Variants in LYN observed in about 807,000 individuals in gnomAD.
The protein encoded by LYN is tyrosine-protein kinase Lyn.
LYN carries 12 observed loss-of-function variants against 65.0 expected under a neutral mutation model. That is an observed-to-expected ratio of 0.18 (90% CI 0.12 to 0.30). The LOEUF (loss-of-function observed/expected upper bound fraction) is 0.30, where lower values mean the gene tolerates loss of function less well. LYN is among the 10% of genes least tolerant of loss of function. LYN has a pLI of 1.00. For missense variants in LYN, 380 were observed against 623.2 expected (o/e 0.61, Z 4.16); for synonymous variants, 222 against 221.2 (o/e 1.00, Z -0.03).
chr8:55,890,541 G>T (rs1352844321), intron 1 of LYN, among the ~76,000 whole-genome samples: 1 of 152,156 alleles, frequency 6.6e-6, no homozygotes, highest in Non-Finnish European at 1.5e-5. Context: ...CAAAAAATTA[G>T]ACATAGAATT....
chr8:55,932,085 T>A (rs932100595), intron 1 of LYN, among the ~76,000 whole-genome samples: 1 of 152,112 alleles, frequency 6.6e-6, no homozygotes, highest in Admixed American at 6.6e-5. Flanking sequence ...ACCATTTGAG[T>A]TGAAAGGATA....
chr8:55,983,441 C>T (rs1308001881), intron 10 of LYN, among the ~76,000 whole-genome samples: 2 of 152,212 alleles, frequency 1.3e-5, no homozygotes, highest in East Asian at 1.9e-4. Context: ...CTTTCCCCTA[C>T]ATCCCTCTCC....
chr8:55,955,901 G>GT (rs571978277), intron 8 of LYN, among the ~76,000 whole-genome samples: 3 of 152,152 alleles, frequency 2.0e-5, no homozygotes, highest in Non-Finnish European at 4.4e-5. Context: ...CTATAACAGA[G>GT]TTTGTTTATC....
intron 12 of LYN, among the ~76,000 whole-genome samples, chr8:56,002,736 C>T (rs907331241): frequency 3.9e-5 from 6 of 151,996 alleles, no homozygotes; most frequent in South Asian, 2.1e-4. Flanking sequence ...CAGAATCCAT[C>T]GACTAGTCTG....
intron 1 of LYN, among the ~76,000 whole-genome samples, chr8:55,912,561 A>G (rs1805667499): frequency 1.3e-5 from 2 of 152,158 alleles, no homozygotes. Flanking sequence ...CCCCGTAGCT[A>G]CTAAAAATAC....
intron 1 of LYN, among the ~76,000 whole-genome samples, chr8:55,910,957 T>C (rs181052678): frequency 0.026 from 3,715 of 144,152 alleles, 188 homozygotes; most frequent in African/African-American, 0.092. Context: ...AGTGCAGTGG[T>C]GCAGTCTTGG....
At position 55,911,076 on chromosome 8, in the gene LYN, T is replaced by C. The variant is rs1234916765; in HGVS notation, c.-5-30779T>C. On this transcript the variant is annotated intron_variant, in intron 1 of 12. Transcript: ENST00000519728. ...CATGTCCGGCTAATTTATATATATA[T>C]ACATACATATATATATATATATACA... 4.0e-4 allele frequency among the ~76,000 whole-genome samples: 4 copies of C among 10,020 alleles called. 1 individual carries two copies. Among genetic ancestry groups the C allele is most frequent in the Non-Finnish European group, 7.1e-4 (4 of 5,648 alleles). The allele number at this position is 10,020 out of a possible 152,430, so 6.6% of individuals were successfully genotyped here. A position where few individuals can be genotyped will look rare whatever the true frequency, so the allele number is the denominator to read the frequency against.
At chr8:55,977,164 A>G (rs924635771) in intron 10 of LYN, among the ~76,000 whole-genome samples, 1 of 152,190 alleles carries the variant, frequency 6.6e-6, no homozygotes, top group African/African-American at 2.4e-5. Flanking sequence ...CAGCCTGGGC[A>G]ACAAGAGCAA....
intron 12 of LYN, among the ~76,000 whole-genome samples, chr8:56,006,415 C>G (rs1346197859): frequency 6.6e-6 from 1 of 152,148 alleles, no homozygotes; most frequent in East Asian, 1.9e-4. Context: ...ACACAAAGGG[C>G]CCTGTGTGAC....
At chr8:55,973,071 A>G (rs1027733354) in intron 10 of LYN, among the ~76,000 whole-genome samples, 2 of 152,178 alleles carry the variant, frequency 1.3e-5, no homozygotes, top group African/African-American at 4.8e-5. Context: ...CTAGAAGAAT[A>G]AGGGAAACTG....
chr8:55,999,354 A>G, intron 11 of LYN, 64 bp from the exon 12 acceptor site: 1 of 1,425,208 alleles, frequency 7.0e-7, no homozygotes. Context: ...ATGGGGTCAC[A>G]TGTTCATGAC....
At position 56,013,270 on chromosome 8, in the gene LYN, C is replaced by CTTTT. The variant is rs546599670; in HGVS notation, c.*3173_*3176dup. The CTTTT allele has an allele frequency of 0.043, 4,496 of 104,738 alleles. 257 individuals are homozygous for CTTTT. Among genetic ancestry groups the CTTTT allele is most frequent in the African/African-American group, 0.11 (4,020 of 35,186 alleles). 6.5% of individuals were successfully genotyped at this position (104,738 alleles called of 1,614,324 possible). On this transcript the variant is annotated 3_prime_UTR_variant, in exon 13 of 13. Coordinates refer to ENST00000519728, the MANE Select transcript of LYN (RefSeq NM_002350.4). ...TGTGGAGTCTGCTTTCTCGCTCTCT[C>CTTTT]TTTTTTTTTTTTTTTTGACAGAGTC...
chr8:55,964,812 C>A (rs557464614), intron 8 of LYN, among the ~76,000 whole-genome samples: 1 of 152,338 alleles, frequency 6.6e-6, no homozygotes, highest in Admixed American at 6.5e-5. Flanking sequence ...CCAAATTCTA[C>A]CAGCCAGGGA....
In LYN at chr8:55,977,389, A is replaced by G. The variant is rs116720656; in HGVS notation, c.1050+7596A>G. ...TAAATCATTAGTGGATGCTTTTTGT[A>G]TTTACTGTAATATGTATTCATGTTA... On this transcript the variant is annotated intron_variant, in intron 10 of 12. Coordinates refer to ENST00000519728, the MANE Select transcript of LYN (RefSeq NM_002350.4). 9.4e-3 allele frequency among the ~76,000 whole-genome samples: 1,427 copies of G among 152,250 alleles called. 23 individuals carry two copies. Among genetic ancestry groups the G allele is most frequent in the African/African-American group, 0.033 (1,358 of 41,538 alleles).
At chr8:55,973,509 T>C (rs932078328) in intron 10 of LYN, among the ~76,000 whole-genome samples, 1 of 152,228 alleles carries the variant, frequency 6.6e-6, no homozygotes, top group Non-Finnish European at 1.5e-5. Context: ...CCTTGGCTTT[T>C]AGGCCCTATG....
Position 56,013,920 on chromosome 8 carries a change from G to T in LYN, c.*3810G>T, listed in dbSNP as rs540478883. 1 of 152,312 alleles carries T rather than the reference G, an allele frequency of 6.6e-6. No individual in the cohort carries two copies. The highest frequency in any genetic ancestry group is 6.5e-5 in the Admixed American group (1 of 15,300). 9.4% of individuals were successfully genotyped at this position (152,312 alleles called of 1,614,324 possible). ...AATATTTTAGATTAAGTGAAGTCTT[G>T]CTGTTCTTCCTGATGGAAATGGTAA... On this transcript the variant is annotated 3_prime_UTR_variant, in exon 13 of 13. Coordinates refer to ENST00000519728, the MANE Select transcript of LYN (RefSeq NM_002350.4).
At chr8:55,904,436 CT>C (rs1805363695) in intron 1 of LYN, among the ~76,000 whole-genome samples, 1 of 152,092 alleles carries the variant, frequency 6.6e-6, no homozygotes, top group Non-Finnish European at 1.5e-5. Flanking sequence ...ACAGACCACC[CT>C]TTTTTCTGAG....
At chr8:55,908,723 T>C (rs2130398526) in intron 1 of LYN, among the ~76,000 whole-genome samples, 1 of 151,864 alleles carries the variant, frequency 6.6e-6, no homozygotes, top group Non-Finnish European at 1.5e-5. Flanking sequence ...CACTAAGTAA[T>C]TTCTCTCTCA....
chr8:55,895,917 G>A (rs574721067), intron 1 of LYN, among the ~76,000 whole-genome samples: 1 of 152,132 alleles, frequency 6.6e-6, no homozygotes, highest in Non-Finnish European at 1.5e-5. Context: ...CCTACTCATG[G>A]TACCCCTGGC....
Sources: allele counts gnomAD v4.1 joint callset (sites outside exome capture counted in the v4.1 genomes callset), GRCh38; gene constraint gnomAD v4.1.1; transcripts MANE v1.5; gene names NCBI Gene and HGNC (gene_info 2026-07-23, HGNC 2026-07-21).